ANKFN1: variants seen among roughly 807,000 people sequenced by gnomAD.
ANKFN1 encodes ankyrin repeat and fibronectin type III domain containing 1.
Under a neutral mutation model 108.7 loss-of-function variants are expected in ANKFN1, and 74 were observed. That is an observed-to-expected ratio of 0.68 (90% CI 0.56 to 0.83). The LOEUF is 0.83. ANKFN1 is among the 40% of genes least tolerant of loss of function. The pLI is 0.00. For missense variants in ANKFN1, 1,505 were observed against 1,382.3 expected (o/e 1.09, Z -1.41); for synonymous variants, 547 against 516.2 (o/e 1.06, Z -0.81).
At chr17:56,270,648 G>A (rs530803595) in intron 3 of ANKFN1, among the ~76,000 whole-genome samples, 4 of 152,198 alleles carry the variant, frequency 2.6e-5, no homozygotes, top group South Asian at 2.1e-4. Context: ...TCCTCACTAC[G>A]GCCAAAGTAG....
rs146275604 is a variant in ANKFN1 at position 56,147,039 on chromosome 17, A to C, written c.289-80878A>C. Among the ~76,000 whole-genome samples the C allele has an allele frequency of 6.7e-3, 1,019 of 152,292 alleles. 8 individuals carry two copies. The highest frequency in any genetic ancestry group is 0.024 in the Middle Eastern group (7 of 294). On this transcript the variant is annotated intron_variant, in intron 4 of 12. Transcript: ENST00000635860. ...TCAAAGTTCCACAGATCTCTAGGGC[A>C]AGGGCAAAATGGCACCAGTCTCTTT... is the stretch of plus-strand genomic sequence containing the variant.
chr17:56,316,433 A>G (rs765933364), intron 3 of ANKFN1, among the ~76,000 whole-genome samples: 1 of 152,172 alleles, frequency 6.6e-6, no homozygotes, highest in Non-Finnish European at 1.5e-5. Context: ...AGACTGGGTC[A>G]TAAGCCACCC....
intron 3 of ANKFN1, among the ~76,000 whole-genome samples, chr17:56,304,050 T>A (rs1426158666): frequency 2.0e-5 from 3 of 151,972 alleles, no homozygotes; most frequent in South Asian, 4.2e-4. Flanking sequence ...TTCCATCCAA[T>A]GATAACAGTA....
chr17:56,370,947 T>TG (rs1812080661), intron 6 of ANKFN1, among the ~76,000 whole-genome samples: 1 of 84,818 alleles, frequency 1.2e-5, no homozygotes, highest in South Asian at 4.3e-4. Context: ...TGTGTGTATG[T>TG]GTTTTTTTTT....
At chr17:56,229,224 T>C (rs982086678) in intron 3 of ANKFN1, among the ~76,000 whole-genome samples, 1 of 152,154 alleles carries the variant, frequency 6.6e-6, no homozygotes, top group Admixed American at 6.6e-5. Flanking sequence ...TAGTCTTTAT[T>C]GCATTATCAA....
intron 2 of ANKFN1, among the ~76,000 whole-genome samples, chr17:56,226,599 T>A (rs1385498666): frequency 6.6e-6 from 1 of 152,168 alleles, no homozygotes; most frequent in African/African-American, 2.4e-5. Flanking sequence ...TGGAGACATC[T>A]TACCCAAGCA....
intron 4 of ANKFN1, among the ~76,000 whole-genome samples, chr17:56,105,711 C>CTCTGTG (rs1555594333): frequency 1.4e-5 from 2 of 144,662 alleles, no homozygotes; most frequent in South Asian, 2.3e-4. Context: ...GTTTTTTTGT[C>CTCTGTG]TGTGTGTGTG....
rs1043359227 is a variant in ANKFN1, at chr17:56,172,177, C to T, written c.-71+18647C>T. Among the ~76,000 whole-genome samples the T allele has an allele frequency of 2.0e-5, 3 of 152,164 alleles. No homozygotes were observed. In the East Asian group the frequency reaches 5.8e-4, roughly 29 times the overall value. ...AAATTAATCTCAACGTGATAAATAACTCTTAGCCTCTGATGAGACAAAGTA... is the reference window on the plus strand; with the variant it reads ...AAATTAATCTCAACGTGATAAATAATTCTTAGCCTCTGATGAGACAAAGTA... On this transcript the variant is annotated intron_variant, in intron 1 of 20. Transcript: ENST00000682825.
rs909488944 is a variant in ANKFN1, at chr17:56,492,335, A to G, written c.2409A>G (p.Gln803=). The G allele has an allele frequency of 1.0e-5, 7 of 702,200 alleles. No individual in the cohort carries two copies. The highest frequency in any genetic ancestry group is 6.0e-5 in the Admixed American group (3 of 49,974). 43.5% of individuals were successfully genotyped at this position (702,200 alleles called of 1,614,324 possible). A position where few individuals can be genotyped will look rare whatever the true frequency, so the allele number is the denominator to read the frequency against. Residue 803 remains glutamine (Q), a synonymous_variant, in exon 19 of 21, where the codon CAA becomes CAG. Transcript: ENST00000682825. ...CAGCTGCCAAACAAAGACACCAGCA[A>G]GTTTTAGATTTCATTCAGGTAATTG... is the stretch of plus-strand genomic sequence containing the variant. ...EVAAAKQRHQ[Q]VLDFIQQIDE...
At position 56,467,791 on chromosome 17, in the gene ANKFN1, GAAGAAAGAAAGAAAGAAAGA is replaced by G. The variant is rs1555660585; in HGVS notation, c.1773+1263_1773+1282del. Among the ~76,000 whole-genome samples the G allele has an allele frequency of 2.9e-3, 157 of 55,038 alleles. 3 individuals are homozygous for G. The highest frequency in any genetic ancestry group is 0.019 in the East Asian group (19 of 1,018). 36.1% of individuals were successfully genotyped at this position (55,038 alleles called of 152,430 possible). ...AGAAAGAAAGAAAGAAAGAAAGAAA[GAAGAAAGAAAGAAAGAAAGA>G]AAGAAAGAAAGAAAGAAAGAAAGAA... On this transcript the variant is annotated intron_variant, in intron 15 of 20. Transcript: ENST00000682825.
chr17:56,179,752 C>T (rs1468278167), intron 1 of ANKFN1, among the ~76,000 whole-genome samples: 1 of 152,218 alleles, frequency 6.6e-6, no homozygotes, highest in Non-Finnish European at 1.5e-5. Context: ...CATAGGAGTT[C>T]TCTAAGGAAC....
chr17:56,449,531 C>A (rs1332187251), intron 11 of ANKFN1, among the ~76,000 whole-genome samples: 1 of 152,146 alleles, frequency 6.6e-6, no homozygotes, highest in African/African-American at 2.4e-5. Flanking sequence ...AACATTTTGC[C>A]TCCAAGGAAA....
chr17:56,244,749 G>T (rs984586011), intron 3 of ANKFN1, among the ~76,000 whole-genome samples: 1 of 152,112 alleles, frequency 6.6e-6, no homozygotes, highest in Non-Finnish European at 1.5e-5. Context: ...AGCGTAAAGA[G>T]ACCAAGCTTC....
At chr17:56,463,513 A>G (rs1034214227) in intron 14 of ANKFN1, among the ~76,000 whole-genome samples, 4 of 152,196 alleles carry the variant, frequency 2.6e-5, no homozygotes, top group African/African-American at 9.6e-5. Flanking sequence ...AGCATGTGGG[A>G]AAAAAAATTA....
chr17:56,339,757 C>A (rs1464144357), intron 4 of ANKFN1, among the ~76,000 whole-genome samples: 3 of 151,752 alleles, frequency 2.0e-5, no homozygotes, highest in African/African-American at 7.3e-5. Context: ...AATAGTCCTG[C>A]AATGAACATA....
chr17:56,485,854 G>A (rs1598705437), intron 18 of ANKFN1, among the ~76,000 whole-genome samples: 1 of 152,112 alleles, frequency 6.6e-6, no homozygotes, highest in Non-Finnish European at 1.5e-5. Flanking sequence ...CAGATTCTTG[G>A]AGCCCAACCC....
chr17:56,054,472 A>G (rs1316005282), intron 4 of ANKFN1, among the ~76,000 whole-genome samples: 1 of 152,190 alleles, frequency 6.6e-6, no homozygotes, highest in Non-Finnish European at 1.5e-5. Context: ...CCACCAAAAT[A>G]AAGTGGATGT....
intron 1 of ANKFN1, chr17:56,156,436 T>G (rs950840048): frequency 1.3e-5 from 2 of 152,140 alleles, no homozygotes; most frequent in African/African-American, 4.8e-5. Context: ...CTCAATGAGT[T>G]GTGAAGATGA....
At chr17:56,183,266 T>C (rs1338426176) in intron 1 of ANKFN1, among the ~76,000 whole-genome samples, 1 of 152,092 alleles carries the variant, frequency 6.6e-6, no homozygotes, top group Non-Finnish European at 1.5e-5. Context: ...CCTGGCAGAG[T>C]ACATTGACAA....
Sources: gnomAD v4.1 joint callset for allele counts (sites outside exome capture counted in the v4.1 genomes callset) on GRCh38, gnomAD v4.1.1 for gene constraint, MANE v1.5 for transcripts, NCBI Gene and HGNC (gene_info 2026-07-23, HGNC 2026-07-21) for gene names.